CFAP70: variants seen among roughly 807,000 people sequenced by gnomAD.
The protein encoded by CFAP70 is cilia and flagella associated protein 70, also known as cilia- and flagella-associated protein 70.
CFAP70 carries 81 observed loss-of-function variants against 137.6 expected under a neutral mutation model. That is an observed-to-expected ratio of 0.59 (90% confidence interval 0.49 to 0.71). The LOEUF is 0.71. Among genes scored for constraint, CFAP70 ranks in the 30% least tolerant of loss-of-function variants. CFAP70 has a pLI of 0.00. For synonymous variants in CFAP70, 382 were observed against 423.6 expected (o/e 0.90, Z 1.20); for missense variants, 976 against 1,226.7 (o/e 0.80, Z 3.05).
intron 7 of CFAP70, among the ~76,000 whole-genome samples, chr10:73,332,019 A>G (rs2052158839): frequency 2.6e-5 from 4 of 152,222 alleles, no homozygotes; most frequent in Admixed American, 2.6e-4. Context: ...ATTGAAATAA[A>G]TAACATTTCT....
At chr10:73,295,887 G>T (rs2048514519) in intron 15 of CFAP70, 1 of 152,090 alleles carries the variant, frequency 6.6e-6, no homozygotes, top group South Asian at 2.1e-4. Flanking sequence ...TCAGATCTCT[G>T]TCTTGGGCAA....
At chr10:73,265,969 G>A (rs1035131069) in intron 25 of CFAP70, among the ~76,000 whole-genome samples, 1 of 150,718 alleles carries the variant, frequency 6.6e-6, no homozygotes, top group Non-Finnish European at 1.5e-5. Context: ...TATTGGAATT[G>A]CCTTAAACTT....
chr10:73,299,174 T>C (rs894053304), intron 13 of CFAP70, 73 bp from the exon 15 acceptor site: 20 of 1,145,396 alleles, frequency 1.7e-5, no homozygotes, highest in Admixed American at 2.4e-5. Flanking sequence ...TAAAACTGGA[T>C]TTGGTTTTAT....
chr10:73,294,779 T>A (rs1271589180), intron 15 of CFAP70: 1 of 152,224 alleles, frequency 6.6e-6, no homozygotes, highest in East Asian at 1.9e-4. Context: ...ACTATTATAC[T>A]CCCTAGCTAA....
chr10:73,271,804 A>G (rs1044159970), intron 24 of CFAP70, among the ~76,000 whole-genome samples: 4 of 151,978 alleles, frequency 2.6e-5, no homozygotes, highest in African/African-American at 9.7e-5. Context: ...CCACCAAGCA[A>G]TCCTCCCACC....
chr10:73,295,410 A>AGGG (rs1208489016), intron 15 of CFAP70: 1 of 151,624 alleles, frequency 6.6e-6, no homozygotes, highest in Non-Finnish European at 1.5e-5. Flanking sequence ...GGAGGGAGGG[A>AGGG]AGAAAATCCC....
Position 73,291,759 on chromosome 10 carries a change from A to C in CFAP70, c.1905-4T>G, listed in dbSNP as rs2048196320. The stretch of plus-strand genomic sequence containing the variant: ...CAGGACACCACACAGCAACAAGCTG[A>C]GAAAAGATCACCAACATGATTAACA... On this transcript the variant is annotated splice_region_variant and splice_polypyrimidine_tract_variant and intron_variant, in intron 17 of 26. Transcript: ENST00000310715. The C allele has an allele frequency of 6.2e-7, 1 of 1,614,176 alleles. No homozygotes were observed. The highest frequency in any genetic ancestry group is 8.5e-7 in the Non-Finnish European group (1 of 1,180,000).
chr10:73,341,556 T>A (rs1429458882), exon 6 of CFAP70: 1 of 1,613,798 alleles, frequency 6.2e-7, no homozygotes, highest in African/African-American at 1.3e-5. Flanking sequence ...CAGAGTTCCA[T>A]TCTTAAATAA....
chr10:73,341,441 A>G (rs2053243009), exon 6 of CFAP70: 1 of 1,614,072 alleles, frequency 6.2e-7, no homozygotes, highest in African/African-American at 1.3e-5. Context: ...CATAGGGACC[A>G]CCAACAATGA....
At chr10:73,340,219 A>C (rs978614579) in intron 6 of CFAP70, among the ~76,000 whole-genome samples, 2 of 152,002 alleles carry the variant, frequency 1.3e-5, no homozygotes, top group Admixed American at 6.6e-5. Context: ...CTCAGCAGAC[A>C]GGATACCCAC....
chr10:73,313,098 C>T (rs543698252), intron 9 of CFAP70, among the ~76,000 whole-genome samples: 40 of 152,038 alleles, frequency 2.6e-4, no homozygotes, highest in African/African-American at 9.6e-4. Context: ...GTGGGCCGGG[C>T]GTGGTGGCTC....
chr10:73,279,195 A>C (rs962442422), intron 19 of CFAP70: 14 of 151,970 alleles, frequency 9.2e-5, no homozygotes, highest in Admixed American at 9.2e-4. Flanking sequence ...ATATCACTCC[A>C]TAAATACGTA....
chr10:73,272,385 A>G (rs938569304), intron 24 of CFAP70, among the ~76,000 whole-genome samples: 1 of 152,164 alleles, frequency 6.6e-6, no homozygotes, highest in African/African-American at 2.4e-5. Context: ...AAGCTATTCA[A>G]AGAAAGGGAG....
chr10:73,302,230 T>G (rs1171901878), intron 12 of CFAP70, among the ~76,000 whole-genome samples: 4 of 152,054 alleles, frequency 2.6e-5, no homozygotes, highest in Admixed American at 6.6e-5. Context: ...AGAAAAGGTG[T>G]TCAAGCACTG....
chr10:73,348,833 C>T (rs1163100369), intron 3 of CFAP70, among the ~76,000 whole-genome samples: 3 of 152,076 alleles, frequency 2.0e-5, no homozygotes, highest in Admixed American at 6.6e-5. Flanking sequence ...GAGGCCAAGG[C>T]GGGCAGATCA....
At chr10:73,325,234 C>T (rs1444748222) in intron 8 of CFAP70, among the ~76,000 whole-genome samples, 4 of 152,134 alleles carry the variant, frequency 2.6e-5, no homozygotes, top group African/African-American at 7.2e-5. Flanking sequence ...TCCAGCCAAA[C>T]TAAGCTTCAT....
intron 10 of CFAP70, among the ~76,000 whole-genome samples, chr10:73,312,221 G>T (rs2049976681): frequency 6.6e-6 from 1 of 152,126 alleles, no homozygotes; most frequent in South Asian, 2.1e-4. Context: ...GGGGAAGGAA[G>T]AGCATTAAGG....
chr10:73,343,947 T>C (rs2053492422), intron 5 of CFAP70, among the ~76,000 whole-genome samples: 1 of 151,598 alleles, frequency 6.6e-6, no homozygotes, highest in African/African-American at 2.4e-5. Context: ...AATATTATTT[T>C]TCTCTACATA....
chr10:73,302,562 T>A (rs1253620800), intron 12 of CFAP70, among the ~76,000 whole-genome samples: 2 of 152,240 alleles, frequency 1.3e-5, no homozygotes, highest in East Asian at 3.8e-4. Flanking sequence ...ACTGGAATTT[T>A]ACCCAGTTTA....
Sources: allele counts gnomAD v4.1 joint callset (sites outside exome capture counted in the v4.1 genomes callset), GRCh38; gene constraint gnomAD v4.1.1; transcripts MANE v1.5; gene names NCBI Gene and HGNC (gene_info 2026-07-23, HGNC 2026-07-21).